NOTCH2NLC: variants seen among roughly 807,000 people sequenced by gnomAD.
NOTCH2NLC encodes the protein notch 2 N-terminal like C.
A neutral mutation model predicts 17.7 loss-of-function variants in NOTCH2NLC; 4 were observed. The ratio of observed to expected loss-of-function variants is 0.23; its 90% CI spans 0.11 to 0.52. The LOEUF (loss-of-function observed/expected upper bound fraction) is 0.52, where lower values mean the gene tolerates loss of function less well. Among genes scored for constraint, NOTCH2NLC ranks in the 20% least tolerant of loss-of-function variants. NOTCH2NLC has a pLI of 0.96. For missense variants in NOTCH2NLC, 57 were observed against 207.2 expected (o/e 0.28, Z 4.45); for synonymous variants, 18 against 86.0 (o/e 0.21, Z 4.38).
chr1:149,420,059 A>G (rs2084370730), intron 1 of NOTCH2NLC, among the ~76,000 whole-genome samples: 1 of 147,850 alleles, frequency 6.8e-6, no homozygotes, highest in African/African-American at 2.5e-5. Flanking sequence ...TTTAGTAGAG[A>G]TGGGGTTTCA....
At chr1:149,460,036 TTGG>T (rs1349478120) in intron 3 of NOTCH2NLC, among the ~76,000 whole-genome samples, 1 of 119,618 alleles carries the variant, frequency 8.4e-6, no homozygotes, top group Non-Finnish European at 1.8e-5. Context: ...TCAAAAGGTG[TTGG>T]TGGGGTAGAG....
chr1:149,414,393 G>T (rs2084318303), intron 1 of NOTCH2NLC, among the ~76,000 whole-genome samples: 1 of 148,852 alleles, frequency 6.7e-6, no homozygotes, highest in African/African-American at 2.5e-5. Context: ...AAATAGAGAT[G>T]CCAGGAAGAT....
chr1:149,406,329 T>TA (rs1160720471), intron 1 of NOTCH2NLC: 4 of 150,748 alleles, frequency 2.7e-5, no homozygotes, highest in Non-Finnish European at 6.0e-5. Flanking sequence ...TACCTAATCT[T>TA]AGATTATCCC....
rs1174422186 is a variant in NOTCH2NLC, at chr1:149,417,404, G to A, written c.136-13538G>A. ...ATTACAGGCGTGAGCCACCGCGCCC[G>A]GCCGGATATCAGGTTTTTCTAACTG... is the stretch of plus-strand genomic sequence containing the variant. On this transcript the variant is annotated intron_variant, in intron 1 of 4. Coordinates refer to ENST00000650865, the MANE Select transcript of NOTCH2NLC (RefSeq NM_001364013.2). Among the ~76,000 whole-genome samples the A allele has an allele frequency of 1.9e-4, 28 of 151,310 alleles. 4 individuals are homozygous for A. Among genetic ancestry groups the A allele is most frequent in the Admixed American group, 1.5e-3 (23 of 15,198 alleles).
chr1:149,423,317 A>T (rs1316859787), intron 1 of NOTCH2NLC, among the ~76,000 whole-genome samples: 1 of 150,106 alleles, frequency 6.7e-6, no homozygotes, highest in East Asian at 2.0e-4. Context: ...CTTCGTTTTT[A>T]TTTAAATGTA....
rs1393698553 is a variant in NOTCH2NLC, at chr1:149,471,542, C to A, written c.*7389C>A. On this transcript the variant is annotated 3_prime_UTR_variant, in exon 5 of 5. Transcript: ENST00000650865. ...ATGTGGATATTTAGTTGTCCCAGGA[C>A]CATTTGTTGAATTAAGTGCCCAGAA... 3.3e-5 allele frequency among the ~76,000 whole-genome samples: 5 copies of A among 150,268 alleles called. No individual in the cohort carries two copies. The East Asian group carries it at 9.8e-4, about 29-fold the overall frequency.
rs1284276005 is a variant in NOTCH2NLC at position 149,413,452 on chromosome 1, C to T, written c.136-17490C>T. The stretch of plus-strand genomic sequence containing the variant: ...GTCTGCAGATAAAGATGTGACATTT[C>T]TCATGTTCTGCTGTGCTTGAAGGAA... On this transcript the variant is annotated intron_variant, in intron 1 of 4. Transcript: ENST00000650865. 1.3e-5 allele frequency among the ~76,000 whole-genome samples: 2 copies of T among 151,206 alleles called. 1 individual carries two copies. The highest frequency in any genetic ancestry group is 3.0e-5 in the Non-Finnish European group (2 of 67,622).
At chr1:149,422,389 T>TACAAATTCCA (rs2084383739) in intron 1 of NOTCH2NLC, among the ~76,000 whole-genome samples, 1 of 149,862 alleles carries the variant, frequency 6.7e-6, no homozygotes, top group Non-Finnish European at 1.5e-5. Context: ...CCAATTGTGG[T>TACAAATTCCA]TACTACCTCT....
Position 149,417,172 on chromosome 1 carries a change from C to G in NOTCH2NLC, c.136-13770C>G, listed in dbSNP as rs1451183667. Among the ~76,000 whole-genome samples, 7 of 128,864 alleles carry G rather than the reference C, an allele frequency of 5.4e-5. No individual in the cohort carries two copies. The Admixed American group carries it at 6.7e-4, about 12-fold the overall frequency. The allele number at this position is 128,864 out of a possible 152,430, so 84.5% of individuals were successfully genotyped here. Reference sequence around the variant, plus strand: ...TCGCCCAGGCTGGAGTGCAGTGGCGCGATCTCTGCTCACTGCAAGCTCCGC... The same window carrying G: ...TCGCCCAGGCTGGAGTGCAGTGGCGGGATCTCTGCTCACTGCAAGCTCCGC... On this transcript the variant is annotated intron_variant, in intron 1 of 4. Coordinates refer to ENST00000650865, the MANE Select transcript of NOTCH2NLC (RefSeq NM_001364013.2).
chr1:149,416,989 T>C (rs1162734938), intron 1 of NOTCH2NLC, among the ~76,000 whole-genome samples: 1 of 147,482 alleles, frequency 6.8e-6, no homozygotes, highest in African/African-American at 2.5e-5. Flanking sequence ...TTCGTGTAAA[T>C]GTTTTTGATG....
Sources: gnomAD v4.1 joint callset for allele counts (sites outside exome capture counted in the v4.1 genomes callset) on GRCh38, gnomAD v4.1.1 for gene constraint, MANE v1.5 for transcripts, NCBI Gene and HGNC (gene_info 2026-07-23, HGNC 2026-07-21) for gene names.